UBR1: variants seen among roughly 807,000 people sequenced by gnomAD.
UBR1 encodes the protein ubiquitin protein ligase E3 component n-recognin 1.
In UBR1, 102 loss-of-function variants were observed where a neutral mutation model predicts 242.1. That is an observed-to-expected ratio of 0.42 (90% CI 0.36 to 0.50). The LOEUF (loss-of-function observed/expected upper bound fraction) is 0.50. Ranked by LOEUF, UBR1 falls within the 20% of genes least tolerant of loss-of-function variation. UBR1 has a pLI of 0.01. For synonymous variants in UBR1, 675 were observed against 684.8 expected (o/e 0.99, Z 0.22); for missense variants, 1,772 against 2,101.8 (o/e 0.84, Z 3.07).
intron 8 of UBR1, 101 bp downstream of exon 8, chr15:43,059,601 A>C: frequency 2.9e-6 from 4 of 1,369,508 alleles, no homozygotes; most frequent in Non-Finnish European, 4.0e-6. Flanking sequence ...AAAAAAAAAA[A>C]AAAGAAAAAC....
At chr15:42,989,618 T>G (rs1038121122) in intron 34 of UBR1, among the ~76,000 whole-genome samples, 1 of 152,208 alleles carries the variant, frequency 6.6e-6, no homozygotes, top group Non-Finnish European at 1.5e-5. Context: ...GGCCATTGCC[T>G]CAATTTTACA....
At chr15:42,950,386 A>T (rs1213015927) in intron 45 of UBR1, 23 bp from the exon 46 acceptor site, 1 of 1,606,026 alleles carries the variant, frequency 6.2e-7, no homozygotes, top group Non-Finnish European at 8.5e-7. Flanking sequence ...ATCAATAGGA[A>T]ATATGGTTAA....
At chr15:43,001,833 T>C (rs1466331024) in intron 32 of UBR1, among the ~76,000 whole-genome samples, 1 of 152,174 alleles carries the variant, frequency 6.6e-6, no homozygotes, top group Non-Finnish European at 1.5e-5. Flanking sequence ...TCCATATCTC[T>C]AGAGCTATAG....
chr15:43,046,258 C>T (rs1254224545), intron 14 of UBR1, among the ~76,000 whole-genome samples: 1 of 152,216 alleles, frequency 6.6e-6, no homozygotes, highest in African/African-American at 2.4e-5. Context: ...TAAAAAGCTA[C>T]AGTGCTAGAT....
At chr15:42,981,152 T>A (rs974762600) in intron 37 of UBR1, among the ~76,000 whole-genome samples, 1 of 152,088 alleles carries the variant, frequency 6.6e-6, no homozygotes, top group African/African-American at 2.4e-5. Flanking sequence ...AAGCTCAGAA[T>A]ACTATTGTCC....
intron 1 of UBR1, among the ~76,000 whole-genome samples, chr15:43,105,468 C>A (rs1388857446): frequency 6.6e-6 from 1 of 152,162 alleles, no homozygotes; most frequent in African/African-American, 2.4e-5. Flanking sequence ...AGATGCTATA[C>A]GCAAGGACAA....
At chr15:43,030,575 C>A (rs1031541220) in intron 20 of UBR1, among the ~76,000 whole-genome samples, 12 of 152,140 alleles carry the variant, frequency 7.9e-5, no homozygotes, top group African/African-American at 2.9e-4. Flanking sequence ...AATGACAAAA[C>A]AGTAATATGT....
intron 27 of UBR1, among the ~76,000 whole-genome samples, chr15:43,019,005 T>G (rs2033067109): frequency 6.6e-6 from 1 of 152,228 alleles, no homozygotes; most frequent in Non-Finnish European, 1.5e-5. Context: ...TATTGGCTAG[T>G]TTAACACAAA....
At chr15:43,012,109 C>T (rs915876972) in intron 29 of UBR1, among the ~76,000 whole-genome samples, 3 of 152,060 alleles carry the variant, frequency 2.0e-5, no homozygotes, top group Non-Finnish European at 4.4e-5. Flanking sequence ...CGCCTGTAGT[C>T]CCAGTTACTC....
chr15:42,963,899 T>C (rs751673708), intron 42 of UBR1, 36 bp downstream of exon 42: 1 of 1,491,356 alleles, frequency 6.7e-7, no homozygotes, highest in African/African-American at 1.4e-5. Flanking sequence ...TCAAATTGTA[T>C]AATAACCCAA....
At chr15:42,956,212 AC>A (rs1335087433) in intron 44 of UBR1, among the ~76,000 whole-genome samples, 1 of 152,202 alleles carries the variant, frequency 6.6e-6, no homozygotes, top group Admixed American at 6.5e-5. Context: ...GGCTTAAAAA[AC>A]AACAACAAAA....
At chr15:42,984,284 C>CA (rs2032427002) in intron 36 of UBR1, among the ~76,000 whole-genome samples, 1 of 152,166 alleles carries the variant, frequency 6.6e-6, no homozygotes, top group Admixed American at 6.5e-5. Flanking sequence ...CTGTGTACCA[C>CA]AAGTCTTCTA....
intron 25 of UBR1, among the ~76,000 whole-genome samples, chr15:43,024,449 G>C (rs1288464904): frequency 3.3e-5 from 5 of 152,100 alleles, no homozygotes; most frequent in Admixed American, 6.5e-5. Flanking sequence ...ATTATTATTT[G>C]CTCCTTAAAT....
chr15:43,091,715 T>G (rs1257654699), intron 1 of UBR1, among the ~76,000 whole-genome samples: 1 of 151,830 alleles, frequency 6.6e-6, no homozygotes, highest in East Asian at 1.9e-4. Context: ...GTGGATCACT[T>G]GAGCTCAGGA....
intron 14 of UBR1, among the ~76,000 whole-genome samples, chr15:43,044,146 C>T (rs1462856): frequency 0.85 from 130,079 of 152,242 alleles, 55,793 homozygotes; most frequent in South Asian, 0.89. Context: ...AAAGAATTTA[C>T]GGATGAAATT....
At chr15:43,077,733 T>C (rs2141353433) in intron 3 of UBR1, among the ~76,000 whole-genome samples, 1 of 150,780 alleles carries the variant, frequency 6.6e-6, no homozygotes, top group Admixed American at 6.6e-5. Context: ...TTAAGAAATG[T>C]ATAAAGTATT....
At chr15:42,978,747 T>TA (rs1345858193) in intron 37 of UBR1, among the ~76,000 whole-genome samples, 1 of 150,570 alleles carries the variant, frequency 6.6e-6, no homozygotes, top group East Asian at 1.9e-4. Flanking sequence ...TTTTTTTTTT[T>TA]AGACAGAATC....
rs982484264 is a variant in UBR1, at chr15:42,945,240, C to G, written c.*89G>C. ...ACATGGAGCAAAAGACCCTCCAATA[C>G]TTTCCCAGCCCTCAGAAAGTTTTCC... On this transcript the variant is annotated 3_prime_UTR_variant, in exon 47 of 47. Coordinates refer to ENST00000290650, the MANE Select transcript of UBR1 (RefSeq NM_174916.3). 1.3e-6 allele frequency: 2 copies of G among 1,590,488 alleles called. No homozygotes were observed. Among genetic ancestry groups the G allele is most frequent in the Admixed American group, 3.4e-5 (2 of 58,688 alleles).
chr15:43,075,814 T>C (rs530710642), intron 3 of UBR1, among the ~76,000 whole-genome samples: 3,240 of 151,694 alleles, frequency 0.021, 135 homozygotes, highest in African/African-American at 0.075. Flanking sequence ...GGGGTTTCTC[T>C]ACGTTGGTCA....
Sources: gnomAD v4.1 joint callset for allele counts (sites outside exome capture counted in the v4.1 genomes callset) on GRCh38, gnomAD v4.1.1 for gene constraint, MANE v1.5 for transcripts, NCBI Gene and HGNC (gene_info 2026-07-23, HGNC 2026-07-21) for gene names.